Variants in PCDH9 observed in about 807,000 individuals in gnomAD.
PCDH9 encodes the protein protocadherin-9.
A neutral mutation model predicts 70.6 loss-of-function variants in PCDH9; 24 were observed. That is an observed-to-expected ratio of 0.34 (90% CI 0.25 to 0.48). The LOEUF is 0.48. PCDH9 is among the 20% of genes least tolerant of loss of function. PCDH9 has a pLI of 0.99. For missense variants in PCDH9, 1,281 were observed against 1,503.6 expected (o/e 0.85, Z 2.45); for synonymous variants, 562 against 558.5 (o/e 1.01, Z -0.09).
intron 2 of PCDH9, among the ~76,000 whole-genome samples, chr13:66,906,381 T>A (rs1476666931): frequency 1.3e-5 from 2 of 152,188 alleles, no homozygotes; most frequent in Non-Finnish European, 2.9e-5. Flanking sequence ...AAACTATCAG[T>A]GCATTAATTC....
intron 4 of PCDH9, among the ~76,000 whole-genome samples, chr13:66,314,667 C>T (rs999232577): frequency 4.6e-5 from 7 of 152,150 alleles, no homozygotes; most frequent in Non-Finnish European, 8.8e-5. Flanking sequence ...ACAATTCTTG[C>T]ATTTTTTTAG....
At chr13:66,591,270 A>C (rs1370522855) in intron 4 of PCDH9, among the ~76,000 whole-genome samples, 3 of 151,718 alleles carry the variant, frequency 2.0e-5, no homozygotes, top group Admixed American at 1.3e-4. Flanking sequence ...TTTACACAGA[A>C]TCTCATACAC....
intron 2 of PCDH9, among the ~76,000 whole-genome samples, chr13:66,998,594 A>T (rs1010543868): frequency 6.6e-6 from 1 of 152,190 alleles, no homozygotes; most frequent in Non-Finnish European, 1.5e-5. Context: ...CAAAGTTTTC[A>T]TCTCAGCAGT....
At chr13:66,729,628 C>T (rs2079046930) in intron 3 of PCDH9, among the ~76,000 whole-genome samples, 1 of 152,162 alleles carries the variant, frequency 6.6e-6, no homozygotes, top group African/African-American at 2.4e-5. Flanking sequence ...CTTCCTGTCA[C>T]ACTGACCAAG....
intron 2 of PCDH9, chr13:67,204,837 T>C (rs1162783406): frequency 6.6e-6 from 1 of 152,190 alleles, no homozygotes; most frequent in Non-Finnish European, 1.5e-5. Flanking sequence ...CATGTCTGTA[T>C]GACACAGTTT....
At chr13:66,689,128 G>A (rs1163291510) in intron 3 of PCDH9, among the ~76,000 whole-genome samples, 1 of 152,052 alleles carries the variant, frequency 6.6e-6, no homozygotes, top group South Asian at 2.1e-4. Flanking sequence ...TATAAATTCT[G>A]CTTTCATTTT....
At chr13:66,824,381 C>A (rs562799200) in intron 3 of PCDH9, among the ~76,000 whole-genome samples, 1 of 145,674 alleles carries the variant, frequency 6.9e-6, no homozygotes, top group Admixed American at 6.8e-5. Flanking sequence ...TAAGGCCCAG[C>A]GCGGTGGCTC....
intron 4 of PCDH9, among the ~76,000 whole-genome samples, chr13:66,400,355 T>C (rs1020573731): frequency 6.6e-6 from 1 of 152,186 alleles, no homozygotes; most frequent in Non-Finnish European, 1.5e-5. Context: ...GAGAAATAAA[T>C]AGATTTTTTT....
intron 4 of PCDH9, among the ~76,000 whole-genome samples, chr13:66,512,282 T>TTATATATATATA (rs35496834): frequency 6.4e-4 from 93 of 144,426 alleles, no homozygotes; most frequent in African/African-American, 2.3e-3. Context: ...ACCTTAGGAA[T>TTATATATATATA]TATATATATA....
At chr13:67,007,108 A>AT (rs35513837) in intron 2 of PCDH9, among the ~76,000 whole-genome samples, 22 of 150,962 alleles carry the variant, frequency 1.5e-4, no homozygotes, top group African/African-American at 3.6e-4. Flanking sequence ...CTTATTCTGA[A>AT]TTTTTTTTTT....
chr13:66,644,247 AGTT>A (rs2138972278), intron 3 of PCDH9, among the ~76,000 whole-genome samples: 1 of 152,102 alleles, frequency 6.6e-6, no homozygotes, highest in East Asian at 1.9e-4. Context: ...AAACATGATA[AGTT>A]AACACTAACA....
chr13:67,203,164 C>T (rs566347359), intron 2 of PCDH9: 5 of 152,180 alleles, frequency 3.3e-5, no homozygotes, highest in Admixed American at 6.6e-5. Context: ...TTCAAATATC[C>T]TTTAATTCTT....
chr13:66,555,214 C>G (rs1961676581), intron 4 of PCDH9, among the ~76,000 whole-genome samples: 1 of 151,980 alleles, frequency 6.6e-6, no homozygotes. Context: ...TATTTTAGTT[C>G]TGTGCTAAGC....
intron 3 of PCDH9, among the ~76,000 whole-genome samples, chr13:66,687,003 C>T (rs1485945992): frequency 6.6e-6 from 1 of 152,150 alleles, no homozygotes; most frequent in African/African-American, 2.4e-5. Flanking sequence ...CCCCAAAAGA[C>T]ATTTCGATTT....
chr13:67,145,499 C>G (rs1335980808), intron 2 of PCDH9, among the ~76,000 whole-genome samples: 1 of 151,824 alleles, frequency 6.6e-6, no homozygotes, highest in Non-Finnish European at 1.5e-5. Flanking sequence ...CAAGAAGAGA[C>G]TATTCATGCT....
intron 3 of PCDH9, among the ~76,000 whole-genome samples, chr13:66,721,089 C>T (rs2078935905): frequency 6.6e-6 from 1 of 152,160 alleles, no homozygotes; most frequent in Non-Finnish European, 1.5e-5. Context: ...TAATTTAACA[C>T]AAAAATTATT....
intron 2 of PCDH9, among the ~76,000 whole-genome samples, chr13:67,076,272 G>A (rs1008651106): frequency 6.6e-6 from 1 of 152,142 alleles, no homozygotes; most frequent in African/African-American, 2.4e-5. Context: ...CCTATATGGA[G>A]ATTTAGCATA....
intron 3 of PCDH9, among the ~76,000 whole-genome samples, chr13:66,743,564 C>A (rs2079306729): frequency 6.6e-6 from 1 of 151,444 alleles, no homozygotes; most frequent in Non-Finnish European, 1.5e-5. Flanking sequence ...GGAATAAGGC[C>A]AAGAGATCTA....
intron 2 of PCDH9, among the ~76,000 whole-genome samples, chr13:67,195,788 A>T (rs2089047666): frequency 6.6e-6 from 1 of 152,198 alleles, no homozygotes; most frequent in Non-Finnish European, 1.5e-5. Context: ...GAAATAACCA[A>T]GAAGGTCAAT....
Sources: gnomAD v4.1 joint callset for allele counts (sites outside exome capture counted in the v4.1 genomes callset) on GRCh38, gnomAD v4.1.1 for gene constraint, MANE v1.5 for transcripts, NCBI Gene and HGNC (gene_info 2026-07-23, HGNC 2026-07-21) for gene names.